Variants in ARHGAP33 observed in about 807,000 individuals in gnomAD.
ARHGAP33 encodes the protein rho GTPase-activating protein 33.
ARHGAP33 carries 57 observed loss-of-function variants against 126.2 expected under a neutral mutation model. That is an observed-to-expected ratio of 0.45 (90% CI 0.36 to 0.56). The LOEUF (loss-of-function observed/expected upper bound fraction) is 0.56. Among genes scored for constraint, ARHGAP33 ranks in the 20% least tolerant of loss-of-function variants. The pLI, the probability that ARHGAP33 is intolerant of heterozygous loss-of-function variation, is 0.00. For synonymous variants in ARHGAP33, 711 were observed against 755.0 expected (o/e 0.94, Z 0.95); for missense variants, 1,500 against 1,748.3 (o/e 0.86, Z 2.53).
chr19:35,788,764 T>C lies in ARHGAP33; in HGVS notation c.*335T>C, dbSNP rs1331654825. 2 of 265,498 alleles carry C rather than the reference T, an allele frequency of 7.5e-6. No homozygotes were observed. Among genetic ancestry groups the C allele is most frequent in the Non-Finnish European group, 1.4e-5 (2 of 140,572 alleles). The allele number at this position is 265,498 out of a possible 1,614,324, so 16.4% of individuals were successfully genotyped here. A position where few individuals can be genotyped will look rare whatever the true frequency, so the allele number is the denominator to read the frequency against. On this transcript the variant is annotated 3_prime_UTR_variant, in exon 21 of 21. Transcript: ENST00000007510. ...TGGGGGGACAACTCCTACCCTTCTT[T>C]CCCCACATGCCCCACTAAACCATCT...
At position 35,777,700 on chromosome 19, in the gene ARHGAP33, C is replaced by G. The variant is rs1430603890; in HGVS notation, c.62C>G (p.Pro21Arg). The G allele has an allele frequency of 6.2e-7, 1 of 1,602,634 alleles. No homozygotes were observed. The highest frequency in any genetic ancestry group is 1.3e-5 in the African/African-American group (1 of 74,878). ...GGGGAGGGCTCGGTGCAGCCTCTAC[C>G]CACTGCTGGGGGGCCCAGTGTGAAG... ...GPGEGSVQPL[P>R]TAGGPSVKGK... is the part of the protein sequence containing the mutation. The change falls in exon 2 of 21, where the codon CCC becomes CGC. Residue 21 changes from proline to arginine, a missense_variant. By Grantham distance (103) the Pro-to-Arg change is moderately radical. Coordinates refer to ENST00000007510, the MANE Select transcript of ARHGAP33 (RefSeq NM_001366178.1).
intron 5 of ARHGAP33, 141 bp from the exon 6 acceptor site, chr19:35,778,891 C>T: frequency 1.3e-6 from 1 of 781,676 alleles, no homozygotes; most frequent in Non-Finnish European, 2.1e-6. Context: ...TTCATATGCC[C>T]ATATCTCAGT....
Position 35,777,208 on chromosome 19 carries a change from G to A in ARHGAP33, c.7-437G>A, listed in dbSNP as rs1971500333. Among the ~76,000 whole-genome samples, 3 of 152,268 alleles carry A rather than the reference G, an allele frequency of 2.0e-5. No homozygotes were observed. In the South Asian group the frequency reaches 6.2e-4, roughly 32 times the overall value. On this transcript the variant is annotated intron_variant, in intron 1 of 20. Coordinates refer to ENST00000007510, the MANE Select transcript of ARHGAP33 (RefSeq NM_001366178.1). ...AGTCATTGAAGGCCCAGGATCTATG[G>A]AGAAATAGAGCCAGATTTGTGTTTT...
chr19:35,787,186 C>T lies in ARHGAP33; in HGVS notation c.2621C>T (p.Pro874Leu). 6.2e-7 allele frequency: 1 copy of T among 1,611,122 alleles called. No individual in the cohort carries two copies. ...TATATAGGTCCTGATATGGAGTCAC[C>T]ACTGCCACCCCCTCCCCTGTCTCTC... Reference protein sequence around the residue: ...QGPLGPDMESPLPPPPLSLLR... With the variant: ...QGPLGPDMESLLPPPPLSLLR... The change falls in exon 21 of 21, where the codon CCA becomes CTA. Residue 874 changes from proline (P) to leucine (L), a missense_variant. Pro to Leu is a moderately conservative substitution (Grantham distance 98). Around this residue, in one of 6 missense-constraint regions of ARHGAP33, gnomAD observed 642 missense variants for 634.0 expected, o/e 1.01. Transcript: ENST00000007510.
rs754900127 is a variant in ARHGAP33 at position 35,787,677 on chromosome 19, A to G, written c.3112A>G (p.Arg1038Gly). 1.9e-6 allele frequency: 3 copies of G among 1,581,238 alleles called. No individual in the cohort carries two copies. The highest frequency in any genetic ancestry group is 2.3e-5 in the East Asian group (1 of 43,914). Residue 1038 changes from arginine (R) to glycine (G), a missense_variant, in exon 21 of 21, where the codon AGG (arginine) becomes GGG (glycine). Physicochemically the swap from Arg to Gly is moderately radical, Grantham distance 125 (BLOSUM62 -2). This residue lies in a region of ARHGAP33 where 642 missense variants were observed against 634.0 expected (regional missense o/e 1.01). Transcript: ENST00000007510. ...CCCCGGCTTCTTCTCCCCAGCCCCC[A>G]GGGAGTGCCTGCCACCCTTCCTCGG... ...PTPGFFSPAP[R>G]ECLPPFLGVP...
At chr19:35,779,752 T>C in intron 6 of ARHGAP33, 1 of 355,912 alleles carries the variant, frequency 2.8e-6, no homozygotes. Context: ...AAAAAAATGT[T>C]TTGTAGAGAC....
At position 35,786,011 on chromosome 19, in the gene ARHGAP33, G is replaced by A. The variant is rs947952358; in HGVS notation, c.1943-402G>A. On this transcript the variant is annotated intron_variant, in intron 19 of 20. Transcript: ENST00000007510. The surrounding 1 kb of genome is among the most constrained non-coding windows in gnomAD (Gnocchi z 7.0). ...TTTCTCCATCGCTACCTCACAGCCC[G>A]CCGCGCTGCTGGGTGCTGCTCTCCG... The A allele has an allele frequency of 5.5e-5, 61 of 1,108,928 alleles. No homozygotes were observed. Among genetic ancestry groups the A allele is most frequent in the African/African-American group, 8.2e-5 (5 of 60,912 alleles). The allele number at this position is 1,108,928 out of a possible 1,614,324, so 68.7% of individuals were successfully genotyped here. A position where few individuals can be genotyped will look rare whatever the true frequency, so the allele number is the denominator to read the frequency against.
intron 12 of ARHGAP33, 78 bp downstream of exon 12, chr19:35,781,330 G>GTAACTGTGTCCCCAGCAT: frequency 7.0e-7 from 1 of 1,431,004 alleles, no homozygotes; most frequent in Non-Finnish European, 9.8e-7. Context: ...CTGCATGCTG[G>GTAACTGTGTCCCCAGCAT]GGACACAGTT....
chr19:35,787,124 G>C, intron 20 of ARHGAP33, 44 bp from the exon 21 acceptor site: 2 of 1,603,328 alleles, frequency 1.2e-6, no homozygotes, highest in Non-Finnish European at 1.7e-6. Flanking sequence ...CACTGACTCT[G>C]AGGGCCTGGC....
chr19:35,775,820 GCCC>G (rs1971424535), intron 1 of ARHGAP33, among the ~76,000 whole-genome samples, 156 bp downstream of exon 1: 2 of 150,848 alleles, frequency 1.3e-5, no homozygotes, highest in African/African-American at 2.4e-5. Flanking sequence ...CCGGGTCCCA[GCCC>G]GTACCTCGAC....
chr19:35,779,190 G>T (rs1336892330), intron 6 of ARHGAP33, 66 bp downstream of exon 6: 3 of 1,285,960 alleles, frequency 2.3e-6, no homozygotes, highest in Non-Finnish European at 3.3e-6. Context: ...GCGAGAAGCA[G>T]CCTCGGTGTG....
rs1212537550 is a variant in ARHGAP33 at position 35,785,335 on chromosome 19, G to T, written c.1867+1G>T. On this transcript the variant is annotated splice_donor_variant, in intron 18 of 20. Coordinates refer to ENST00000007510, the MANE Select transcript of ARHGAP33 (RefSeq NM_001366178.1). LOFTEE classifies it high-confidence loss of function. ...ACCCGTGCCCCACCGCAGCCTTCAGGTGAGAGGCTGAGCCATGGGCTGGTG... is the reference window on the plus strand; with the variant it reads ...ACCCGTGCCCCACCGCAGCCTTCAGTTGAGAGGCTGAGCCATGGGCTGGTG... 6.2e-7 allele frequency: 1 copy of T among 1,613,436 alleles called. No homozygotes were observed. The highest frequency in any genetic ancestry group is 8.5e-7 in the Non-Finnish European group (1 of 1,179,466).
Position 35,775,629 on chromosome 19 carries a change from G to A in ARHGAP33, c.-30G>A. ...GAGAACGGCGAGCGAGGGGTCGAGCGCGGCCGGGGCCTGAGGAGGCTACGC... is the reference window on the plus strand; with the variant it reads ...GAGAACGGCGAGCGAGGGGTCGAGCACGGCCGGGGCCTGAGGAGGCTACGC... On this transcript the variant is annotated 5_prime_UTR_variant, in exon 1 of 21. Coordinates refer to ENST00000007510, the MANE Select transcript of ARHGAP33 (RefSeq NM_001366178.1). 1 of 1,519,396 alleles carries A rather than the reference G, an allele frequency of 6.6e-7. No individual in the cohort carries two copies. Among genetic ancestry groups the A allele is most frequent in the Non-Finnish European group, 8.8e-7 (1 of 1,138,694 alleles). 94.1% of individuals were successfully genotyped at this position (1,519,396 alleles called of 1,614,324 possible).
rs1277789509 is a variant in ARHGAP33, at chr19:35,782,146, T to G, written c.1086-227T>G. On this transcript the variant is annotated intron_variant, in intron 12 of 20. Coordinates refer to ENST00000007510, the MANE Select transcript of ARHGAP33 (RefSeq NM_001366178.1). This position sits in a 1 kb window ranked among gnomAD's most constrained non-coding sequence, Gnocchi z 4.1. Reference sequence around the variant, plus strand: ...GGGTAGCTGCAGGCAGAGGCACCTCTGTCTGAGCCTCAGCATCCTCCTCTG... The same window carrying G: ...GGGTAGCTGCAGGCAGAGGCACCTCGGTCTGAGCCTCAGCATCCTCCTCTG... 6.6e-6 allele frequency among the ~76,000 whole-genome samples: 1 copy of G among 152,184 alleles called. No individual in the cohort carries two copies. Among genetic ancestry groups the G allele is most frequent in the African/African-American group, 2.4e-5 (1 of 41,440 alleles).
chr19:35,775,638 G>A lies in ARHGAP33; in HGVS notation c.-21G>A. On this transcript the variant is annotated 5_prime_UTR_variant, in exon 1 of 21. Transcript: ENST00000007510. ...GAGCGAGGGGTCGAGCGCGGCCGGGGCCTGAGGAGGCTACGCGACCATGGT... is the reference window on the plus strand; with the variant it reads ...GAGCGAGGGGTCGAGCGCGGCCGGGACCTGAGGAGGCTACGCGACCATGGT... The A allele has an allele frequency of 6.5e-7, 1 of 1,539,530 alleles. No homozygotes were observed. Among genetic ancestry groups the A allele is most frequent in the South Asian group, 1.2e-5 (1 of 82,304 alleles).
intron 6 of ARHGAP33, 127 bp from the exon 7 acceptor site, chr19:35,780,084 A>G: frequency 7.5e-7 from 1 of 1,337,290 alleles, no homozygotes; most frequent in Non-Finnish European, 1.0e-6. Context: ...TGTTTGACCA[A>G]TAGCTCTGAG....
In ARHGAP33 at chr19:35,780,439, G is replaced by A; in HGVS notation, c.643G>A (p.Val215Met). 1 of 1,597,460 alleles carries A rather than the reference G, an allele frequency of 6.3e-7. No individual in the cohort carries two copies. The highest frequency in any genetic ancestry group is 8.6e-7 in the Non-Finnish European group (1 of 1,169,426). ...CTCCCAGGTGGGAGACATTGTCTCG[G>A]TGATCGACATGCCACCCACAGAGGA... The part of the protein sequence containing the change: ...LSFEVGDIVS[V>M]IDMPPTEDRS... Residue 215 changes from valine to methionine, a missense_variant, in exon 8 of 21, where the codon GTG (valine) becomes ATG (methionine). Around this residue, in one of 6 missense-constraint regions of ARHGAP33, gnomAD observed 75 missense variants for 152.7 expected, o/e 0.49. Coordinates refer to ENST00000007510, the MANE Select transcript of ARHGAP33 (RefSeq NM_001366178.1).
Position 35,788,228 on chromosome 19 carries a change from G to A in ARHGAP33, c.3663G>A (p.Arg1221=), listed in dbSNP as rs772538464. The A allele has an allele frequency of 1.9e-6, 3 of 1,609,240 alleles. No homozygotes were observed. Among genetic ancestry groups the A allele is most frequent in the Middle Eastern group, 1.7e-4 (1 of 6,034 alleles). ...RAPWGPRTPH[R]VPGPWGPPEP... Reference sequence around the variant, plus strand: ...CCTGGGGACCCCGTACCCCTCATAGGGTGCCGGGTCCCTGGGGCCCTCCTG... The same window carrying A: ...CCTGGGGACCCCGTACCCCTCATAGAGTGCCGGGTCCCTGGGGCCCTCCTG... The change falls in exon 21 of 21, where the codon AGG becomes AGA. Residue 1221 remains arginine (R), a synonymous_variant. Coordinates refer to ENST00000007510, the MANE Select transcript of ARHGAP33 (RefSeq NM_001366178.1).
chr19:35,776,167 T>C (rs1971448463), intron 1 of ARHGAP33, among the ~76,000 whole-genome samples: 1 of 142,938 alleles, frequency 7.0e-6, no homozygotes, highest in South Asian at 2.2e-4. Context: ...CTATCCCAGT[T>C]CCTCTCAATC....
Sources: gnomAD v4.1 joint callset for allele counts (sites outside exome capture counted in the v4.1 genomes callset) on GRCh38, gnomAD v4.1.1 for gene constraint, gnomAD v4.1.1 regional missense constraint, Gnocchi (gnomAD v3.1) non-coding constraint, MANE v1.5 for transcripts, NCBI Gene and HGNC (gene_info 2026-07-23, HGNC 2026-07-21) for gene names.